PIK3C3: variants seen among roughly 807,000 people sequenced by gnomAD.
PIK3C3 encodes PI3-kinase type 3.
PIK3C3 carries 95 observed loss-of-function variants against 126.1 expected under a neutral mutation model. The ratio of observed to expected loss-of-function variants is 0.75; its 90% CI spans 0.64 to 0.89. The LOEUF (loss-of-function observed/expected upper bound fraction) is 0.89, where lower values mean the gene tolerates loss of function less well. Among genes scored for constraint, PIK3C3 ranks in the 40% least tolerant of loss-of-function variants. The probability of loss-of-function intolerance (pLI) is 0.00; values close to 1 mark genes in which losing one functional copy is unlikely to be tolerated. For synonymous variants in PIK3C3, 374 were observed against 360.0 expected (o/e 1.04, Z -0.44); for missense variants, 829 against 1,063.2 (o/e 0.78, Z 3.06).
intron 13 of PIK3C3, among the ~76,000 whole-genome samples, chr18:42,022,632 AT>A (rs1002957347): frequency 6.6e-6 from 1 of 150,624 alleles, no homozygotes; most frequent in African/African-American, 2.4e-5. Flanking sequence ...ACCTGTGTTT[AT>A]TTTTTTTTGG....
intron 21 of PIK3C3, among the ~76,000 whole-genome samples, chr18:42,057,076 A>T (rs1985102093): frequency 1.6e-5 from 2 of 126,312 alleles, no homozygotes; most frequent in Admixed American, 1.7e-4. Context: ...CCCCGTGTTG[A>T]CATTTTATGA....
At chr18:42,029,079 A>C (rs1983702049) in intron 14 of PIK3C3, among the ~76,000 whole-genome samples, 1 of 152,224 alleles carries the variant, frequency 6.6e-6, no homozygotes, top group Admixed American at 6.5e-5. Context: ...TGGGAAAAAA[A>C]TGCGGTTGTA....
At chr18:42,071,353 AC>A (rs1598956067) in intron 24 of PIK3C3, among the ~76,000 whole-genome samples, 2 of 152,210 alleles carry the variant, frequency 1.3e-5, no homozygotes, top group Admixed American at 6.5e-5. Flanking sequence ...TAATTAAATA[AC>A]CATTACTGTG....
At chr18:42,030,933 G>A (rs1402222155) in intron 15 of PIK3C3, among the ~76,000 whole-genome samples, 1 of 152,102 alleles carries the variant, frequency 6.6e-6, no homozygotes, top group Non-Finnish European at 1.5e-5. Context: ...ACCTATTTGA[G>A]ACATCACTCA....
intron 23 of PIK3C3, among the ~76,000 whole-genome samples, chr18:42,066,901 G>T (rs538347869): frequency 6.6e-6 from 1 of 152,176 alleles, no homozygotes; most frequent in African/African-American, 2.4e-5. Context: ...TAGTTTGTCA[G>T]TGATTGACAT....
chr18:42,054,192 A>ATATATATATAT (rs1984956719), intron 21 of PIK3C3, among the ~76,000 whole-genome samples: 5 of 103,538 alleles, frequency 4.8e-5, no homozygotes, highest in African/African-American at 1.1e-4. Flanking sequence ...ATATATATAT[A>ATATATATATAT]AAGGGGAATT....
intron 4 of PIK3C3, among the ~76,000 whole-genome samples, chr18:41,978,374 C>T (rs920532778): frequency 2.6e-5 from 4 of 152,086 alleles, no homozygotes; most frequent in African/African-American, 2.4e-5. Context: ...TCAAGGAGTG[C>T]GATAATGGAC....
intron 10 of PIK3C3, among the ~76,000 whole-genome samples, chr18:42,008,537 G>A (rs183600999): frequency 8.3e-4 from 127 of 152,196 alleles, no homozygotes; most frequent in African/African-American, 2.7e-3. Context: ...AAGTCACTAA[G>A]TGATTTTGAT....
chr18:42,029,261 T>A (rs1983710214), intron 14 of PIK3C3, 64 bp from the exon 15 acceptor site: 1 of 912,036 alleles, frequency 1.1e-6, no homozygotes, highest in Non-Finnish European at 1.8e-6. Flanking sequence ...TTATCCATGC[T>A]GTTAAAGAAA....
chr18:41,987,927 A>G (rs764097486), intron 5 of PIK3C3, 29 bp downstream of exon 5: 1 of 1,293,896 alleles, frequency 7.7e-7, no homozygotes, highest in Non-Finnish European at 1.1e-6. Flanking sequence ...TTATTTTAAA[A>G]TATTTTCTGT....
chr18:42,022,806 A>G (rs75161814), intron 13 of PIK3C3, among the ~76,000 whole-genome samples: 2,259 of 152,280 alleles, frequency 0.015, 65 homozygotes, highest in South Asian at 0.11. Context: ...GTTAATCACT[A>G]TTCTTTCTTT....
rs556991199 is a variant in PIK3C3, at chr18:42,068,286, C to G, written c.2649+773C>G. Among the ~76,000 whole-genome samples the G allele has an allele frequency of 2.6e-5, 4 of 152,236 alleles. 1 individual carries two copies. The South Asian group carries it at 6.2e-4, about 24-fold the overall frequency. ...GTGCAGTTTCCTCATTGCCTAACAG[C>G]GAAGTCAAATCTCTGGCAACTTAAG... On this transcript the variant is annotated intron_variant, in intron 24 of 24. Transcript: ENST00000262039.
At chr18:42,073,344 T>A (rs1466644020) in intron 24 of PIK3C3, among the ~76,000 whole-genome samples, 1 of 152,112 alleles carries the variant, frequency 6.6e-6, no homozygotes, top group South Asian at 2.1e-4. Context: ...AATTCAACTG[T>A]GATATATTTG....
intron 23 of PIK3C3, among the ~76,000 whole-genome samples, chr18:42,065,282 A>T (rs1361652844): frequency 1.3e-5 from 2 of 152,188 alleles, no homozygotes; most frequent in African/African-American, 4.8e-5. Flanking sequence ...CCGTAGAAAC[A>T]CCCTGAGATG....
chr18:41,998,494 A>T (rs558213092), intron 9 of PIK3C3, among the ~76,000 whole-genome samples: 3 of 149,378 alleles, frequency 2.0e-5, no homozygotes, highest in African/African-American at 4.8e-5. Context: ...ACTTTTTTAG[A>T]TAGAAAGGTT....
chr18:41,957,812 T>G, intron 2 of PIK3C3, 54 bp downstream of exon 2: 1 of 1,335,706 alleles, frequency 7.5e-7, no homozygotes. Context: ...CCTTTCTTTA[T>G]GGATGCTGCA....
chr18:42,076,608 A>T (rs500702), intron 24 of PIK3C3, among the ~76,000 whole-genome samples: 4,222 of 152,258 alleles, frequency 0.028, 191 homozygotes, highest in African/African-American at 0.096. Context: ...TATTTAAAAA[A>T]CAAAGAATAC....
chr18:41,983,033 G>T (rs1030471310), intron 4 of PIK3C3, among the ~76,000 whole-genome samples: 3 of 152,198 alleles, frequency 2.0e-5, no homozygotes, highest in Admixed American at 1.3e-4. Flanking sequence ...GAAAAGTGAG[G>T]ATTATATTTT....
intron 10 of PIK3C3, among the ~76,000 whole-genome samples, chr18:42,005,579 T>C (rs1349598474): frequency 6.6e-6 from 1 of 152,210 alleles, no homozygotes; most frequent in Non-Finnish European, 1.5e-5. Context: ...AAACATAACC[T>C]AATAGTTTAT....
Sources: allele counts gnomAD v4.1 joint callset (sites outside exome capture counted in the v4.1 genomes callset), GRCh38; gene constraint gnomAD v4.1.1; transcripts MANE v1.5; gene names NCBI Gene and HGNC (gene_info 2026-07-23, HGNC 2026-07-21).